ADGRE5: variants seen among roughly 807,000 people sequenced by gnomAD.
ADGRE5 encodes the protein adhesion G protein-coupled receptor E5, also known as CD97 molecule.
ADGRE5 carries 72 observed loss-of-function variants against 100.3 expected under a neutral mutation model. The ratio of observed to expected loss-of-function variants is 0.72; its 90% CI spans 0.59 to 0.87. ADGRE5 has a LOEUF of 0.87. Among genes scored for constraint, ADGRE5 ranks in the 40% least tolerant of loss-of-function variants. The probability of loss-of-function intolerance (pLI) is 0.00; values close to 1 mark genes in which losing one functional copy is unlikely to be tolerated. For synonymous variants in ADGRE5, 439 were observed against 447.8 expected (o/e 0.98, Z 0.25); for missense variants, 959 against 1,094.7 (o/e 0.88, Z 1.75).
intron 4 of ADGRE5, 176 bp from the exon 5 acceptor site, chr19:14,396,166 G>A: frequency 8.6e-7 from 1 of 1,163,656 alleles, no homozygotes; most frequent in Non-Finnish European, 1.2e-6. Context: ...AGCCACATCT[G>A]GACAACAGAA....
intron 9 of ADGRE5, 71 bp downstream of exon 9, chr19:14,398,210 G>A: frequency 1.4e-6 from 2 of 1,456,210 alleles, no homozygotes; most frequent in South Asian, 1.1e-5. Context: ...TGTGGCCAGA[G>A]AGAGTGCCCA....
rs1368849106 is a variant in ADGRE5, at chr19:14,408,423, G to A, written c.*302G>A. The A allele has an allele frequency of 1.7e-6, 1 of 588,216 alleles. No homozygotes were observed. The highest frequency in any genetic ancestry group is 3.0e-6 in the Non-Finnish European group (1 of 328,720). The allele number at this position is 588,216 out of a possible 1,614,324, so 36.4% of individuals were successfully genotyped here. On this transcript the variant is annotated 3_prime_UTR_variant, in exon 20 of 20. Coordinates refer to ENST00000242786, the MANE Select transcript of ADGRE5 (RefSeq NM_078481.4). ...CATGTTGCCCTGGCACCTGTGGCCA[G>A]TACTCGGGACAGACTAAGGGCGCTT...
chr19:14,394,421 C>T (rs1975703380), intron 4 of ADGRE5, among the ~76,000 whole-genome samples: 1 of 152,142 alleles, frequency 6.6e-6, no homozygotes, highest in Non-Finnish European at 1.5e-5. Context: ...CTCCACTCCT[C>T]ACCCCCCTGT....
chr19:14,394,422 A>T (rs1396307370), intron 4 of ADGRE5, among the ~76,000 whole-genome samples: 1 of 149,794 alleles, frequency 6.7e-6, no homozygotes, highest in African/African-American at 2.5e-5. Flanking sequence ...TCCACTCCTC[A>T]CCCCCCTGTC....
chr19:14,386,023 G>A (rs1975336705), intron 1 of ADGRE5, among the ~76,000 whole-genome samples: 3 of 150,956 alleles, frequency 2.0e-5, no homozygotes, highest in Non-Finnish European at 3.0e-5. Context: ...CACCCGCCTC[G>A]GCCTCCCAAA....
Position 14,406,475 on chromosome 19 carries a change from T to G in ADGRE5, c.1966T>G (p.Cys656Gly), listed in dbSNP as rs749972759. 4 of 1,566,902 alleles carry G rather than the reference T, an allele frequency of 2.6e-6. No individual in the cohort carries two copies. Among genetic ancestry groups the G allele is most frequent in the Admixed American group, 1.9e-5 (1 of 52,250 alleles). ...CCAGGGCCTGAGTACGCGCTGGCTCTGCCTGATCGGCTATGGCGTGCCCCT... is the reference window on the plus strand; with the variant it reads ...CCAGGGCCTGAGTACGCGCTGGCTCGGCCTGATCGGCTATGGCGTGCCCCT... ...QGQGLSTRWL[C>G]LIGYGVPLLI... Residue 656 changes from cysteine (C) to glycine (G), a missense_variant, in exon 15 of 20, where the codon TGC (cysteine) becomes GGC (glycine). This residue lies in a region of ADGRE5 where 428 missense variants were observed against 386.2 expected (regional missense o/e 1.11). Coordinates refer to ENST00000242786, the MANE Select transcript of ADGRE5 (RefSeq NM_078481.4). The surrounding 1 kb of genome is among the most constrained non-coding windows in gnomAD (Gnocchi z 6.0).
Position 14,406,688 on chromosome 19 carries a change from C to T in ADGRE5, c.2049-12C>T. The T allele has an allele frequency of 6.2e-7, 1 of 1,613,990 alleles. No individual in the cohort carries two copies. Among genetic ancestry groups the T allele is most frequent in the Non-Finnish European group, 8.5e-7 (1 of 1,179,864 alleles). Reference sequence around the variant, plus strand: ...CCTGGGGCACTGATGGGACCCCTCCCTTCCCTCCTAGCTGCTGGTTGGACT... The same window carrying T: ...CCTGGGGCACTGATGGGACCCCTCCTTTCCCTCCTAGCTGCTGGTTGGACT... On this transcript the variant is annotated splice_polypyrimidine_tract_variant and intron_variant, in intron 15 of 19. Coordinates refer to ENST00000242786, the MANE Select transcript of ADGRE5 (RefSeq NM_078481.4). This position sits in a 1 kb window ranked among gnomAD's most constrained non-coding sequence, Gnocchi z 6.0.
chr19:14,399,786 G>A (rs1975939815), intron 9 of ADGRE5, among the ~76,000 whole-genome samples: 1 of 151,062 alleles, frequency 6.6e-6, no homozygotes, highest in Admixed American at 6.6e-5. Context: ...TAGCACAGTA[G>A]AAAAATGATG....
Position 14,406,600 on chromosome 19 carries a change from G to T in ADGRE5, c.2048+43G>T, listed in dbSNP as rs1201946673. 2 of 1,604,544 alleles carry T rather than the reference G, an allele frequency of 1.2e-6. No individual in the cohort carries two copies. Among genetic ancestry groups the T allele is most frequent in the East Asian group, 2.2e-5 (1 of 44,804 alleles). On this transcript the variant is annotated intron_variant, in intron 15 of 19. Coordinates refer to ENST00000242786, the MANE Select transcript of ADGRE5 (RefSeq NM_078481.4). This position sits in a 1 kb window ranked among gnomAD's most constrained non-coding sequence, Gnocchi z 6.0. Reference sequence around the variant, plus strand: ...GGGCAGGAGGAAGGCGGGGTGCTGGGCCTGGGGCTCACAGGCAGTGCCACA... The same window carrying T: ...GGGCAGGAGGAAGGCGGGGTGCTGGTCCTGGGGCTCACAGGCAGTGCCACA...
rs1159035003 is a variant in ADGRE5, at chr19:14,397,921, G to T, written c.805G>T (p.Gly269Ter). ...TTTCTCCACCTGGACCCCGCCCCCT[G>T]GAGTCCACAGCCAGGTGAGTGGCCC... is the stretch of plus-strand genomic sequence containing the variant. ...MTFSTWTPPP[G>*]VHSQTLSRFF... The change falls in exon 8 of 20, where the codon GGA becomes TGA. Residue 269 changes from glycine to a stop codon, truncating the protein, a stop_gained. Coordinates refer to ENST00000242786, the MANE Select transcript of ADGRE5 (RefSeq NM_078481.4). LOFTEE classifies it high-confidence loss of function. The T allele has an allele frequency of 1.5e-6, 2 of 1,353,206 alleles. No homozygotes were observed. The highest frequency in any genetic ancestry group is 2.0e-6 in the Non-Finnish European group (2 of 988,022). 83.8% of individuals were successfully genotyped at this position (1,353,206 alleles called of 1,614,324 possible). A position where few individuals can be genotyped will look rare whatever the true frequency, so the allele number is the denominator to read the frequency against.
At chr19:14,382,748 C>T (rs1409514586) in intron 1 of ADGRE5, among the ~76,000 whole-genome samples, 5 of 150,366 alleles carry the variant, frequency 3.3e-5, no homozygotes, top group Admixed American at 6.7e-5. Context: ...TCGCTCTTGT[C>T]GCTCAGGCTG....
rs146766182 is a variant in ADGRE5, at chr19:14,389,744, A to G, written c.190+926A>G. 2.1e-3 allele frequency among the ~76,000 whole-genome samples: 311 copies of G among 150,372 alleles called. 2 individuals are homozygous for G. The highest frequency in any genetic ancestry group is 7.2e-3 in the African/African-American group (294 of 41,020). On this transcript the variant is annotated intron_variant, in intron 3 of 19. Transcript: ENST00000242786. The stretch of plus-strand genomic sequence containing the variant: ...AGAGCAAGACTTTGTCTCAAAAAAA[A>G]AAAAGAGAGAGACAGAGAAGGAGAG...
rs1975154476 is a variant in ADGRE5 at position 14,381,533 on chromosome 19, CG to C, written c.11del (p.Arg4ProfsTer10). On this transcript the variant is annotated frameshift_variant, in exon 1 of 20. Coordinates refer to ENST00000242786, the MANE Select transcript of ADGRE5 (RefSeq NM_078481.4). LOFTEE classifies it high-confidence loss of function. Reference protein sequence around the residue: MGGRVFLAFCVWLT... With the variant: MGGXVFLAFCVWLT... ...GCCGGCAGCTCCAACCATGGGAGGC[CG>C]CGTCTTTCTCGGTAAGTACTTTGGG... The C allele has an allele frequency of 6.2e-7, 1 of 1,609,568 alleles. No homozygotes were observed. The highest frequency in any genetic ancestry group is 8.5e-7 in the Non-Finnish European group (1 of 1,178,424).
At chr19:14,384,392 G>GC (rs1489705476) in intron 1 of ADGRE5, among the ~76,000 whole-genome samples, 1 of 152,184 alleles carries the variant, frequency 6.6e-6, no homozygotes, top group Non-Finnish European at 1.5e-5. Context: ...TCCCCTGGAA[G>GC]CCCCTCCAGG....
At position 14,404,412 on chromosome 19, in the gene ADGRE5, G is replaced by C. The variant is rs761682478; in HGVS notation, c.1479G>C (p.Leu493=). 2 of 1,611,454 alleles carry C rather than the reference G, an allele frequency of 1.2e-6. No homozygotes were observed. The highest frequency in any genetic ancestry group is 1.7e-6 in the Non-Finnish European group (2 of 1,179,696). The change falls in exon 13 of 20, where the codon CTG becomes CTC. Residue 493 remains leucine (L), a synonymous_variant. Transcript: ENST00000242786. The part of the protein sequence containing the change: ...KDVMPGPRQE[L]LCAFWKSDSD... ...TGATGCCTGGGCCACGGCAGGAGCT[G>C]CTCTGTGCCTTCTGGAAGAGTGACA...
chr19:14,402,884 T>G, intron 12 of ADGRE5, 22 bp downstream of exon 12: 1 of 1,612,396 alleles, frequency 6.2e-7, no homozygotes, highest in East Asian at 2.2e-5. Flanking sequence ...CTCTGCTCAC[T>G]TCCTCAAAGA....
chr19:14,393,946 C>T (rs1252703820), intron 4 of ADGRE5, among the ~76,000 whole-genome samples: 8 of 152,192 alleles, frequency 5.3e-5, no homozygotes, highest in Non-Finnish European at 1.2e-4. Flanking sequence ...TTTTCAGCCC[C>T]TGCTCATCTC....
chr19:14,398,286 G>A (rs1243666046), intron 9 of ADGRE5, 147 bp downstream of exon 9: 2 of 691,016 alleles, frequency 2.9e-6, no homozygotes, highest in African/African-American at 1.8e-5. Flanking sequence ...CATACAGTAT[G>A]TGCACAAACA....
At chr19:14,402,055 C>T (rs760376854) in intron 11 of ADGRE5, among the ~76,000 whole-genome samples, 1 of 151,622 alleles carries the variant, frequency 6.6e-6, no homozygotes, top group African/African-American at 2.4e-5. Flanking sequence ...CAATTGAGCC[C>T]GGGAGGTCAA....
Sources: allele counts gnomAD v4.1 joint callset (sites outside exome capture counted in the v4.1 genomes callset), GRCh38; gene constraint gnomAD v4.1.1; regional missense constraint gnomAD v4.1.1; non-coding constraint Gnocchi (gnomAD v3.1); transcripts MANE v1.5; gene names NCBI Gene and HGNC (gene_info 2026-07-23, HGNC 2026-07-21).